Variants in THRB observed in about 807,000 individuals in gnomAD.
THRB encodes nuclear receptor subfamily 1 group A member 2.
THRB carries 12 observed loss-of-function variants against 47.8 expected under a neutral mutation model. The observed-to-expected ratio is 0.25, with a 90% CI of 0.16 to 0.41. The LOEUF (loss-of-function observed/expected upper bound fraction) is 0.41. Among genes scored for constraint, THRB ranks in the 10% least tolerant of loss-of-function variants. THRB has a pLI of 1.00. For synonymous variants in THRB, 218 were observed against 212.2 expected (o/e 1.03, Z -0.24); for missense variants, 348 against 589.2 (o/e 0.59, Z 4.24).
chr3:24,254,368 C>T (rs192590048), intron 3 of THRB, among the ~76,000 whole-genome samples: 1 of 148,594 alleles, frequency 6.7e-6, no homozygotes, highest in East Asian at 2.0e-4. Flanking sequence ...CCAGGCTGGG[C>T]AACAGAGGGA....
At chr3:24,438,407 G>C (rs994195453) in intron 1 of THRB, among the ~76,000 whole-genome samples, 1 of 151,994 alleles carries the variant, frequency 6.6e-6, no homozygotes, top group Non-Finnish European at 1.5e-5. Context: ...TTTCTAACCT[G>C]AAAAGCCCCT....
At chr3:24,314,682 T>A (rs1329819495) in intron 2 of THRB, among the ~76,000 whole-genome samples, 1 of 152,174 alleles carries the variant, frequency 6.6e-6, no homozygotes, top group African/African-American at 2.4e-5. Flanking sequence ...TCTTTTCTTC[T>A]CCAGATCGCA....
At chr3:24,378,675 G>T (rs1353540376) in intron 1 of THRB, among the ~76,000 whole-genome samples, 1 of 152,080 alleles carries the variant, frequency 6.6e-6, no homozygotes, top group Non-Finnish European at 1.5e-5. Context: ...ACACATGGGA[G>T]ATGCCACAGA....
intron 1 of THRB, chr3:24,430,008 C>T (rs965787227): frequency 2.0e-5 from 3 of 151,938 alleles, no homozygotes; most frequent in Non-Finnish European, 4.4e-5. Context: ...AGTAACAGAA[C>T]ATGTTTGTCC....
intron 1 of THRB, among the ~76,000 whole-genome samples, chr3:24,338,760 A>C (rs1416626252): frequency 1.3e-5 from 2 of 152,222 alleles, no homozygotes; most frequent in Non-Finnish European, 1.5e-5. Flanking sequence ...TCAGTATGTT[A>C]AAAGGAAAAA....
chr3:24,214,023 T>C (rs1316471822), intron 4 of THRB, among the ~76,000 whole-genome samples: 1 of 152,240 alleles, frequency 6.6e-6, no homozygotes, highest in African/African-American at 2.4e-5. Context: ...ATGCACATTC[T>C]GTTATTTCTT....
At chr3:24,442,992 C>A (rs2071698823) in intron 1 of THRB, among the ~76,000 whole-genome samples, 1 of 151,832 alleles carries the variant, frequency 6.6e-6, no homozygotes, top group Admixed American at 6.6e-5. Flanking sequence ...ACCATCCTGG[C>A]CAACAATGGT....
At chr3:24,364,314 C>T (rs1264088603) in intron 1 of THRB, among the ~76,000 whole-genome samples, 1 of 152,106 alleles carries the variant, frequency 6.6e-6, no homozygotes, top group Non-Finnish European at 1.5e-5. Flanking sequence ...GGAATGATAA[C>T]TTGATTATGC....
intron 3 of THRB, among the ~76,000 whole-genome samples, chr3:24,287,094 C>G (rs2055384167): frequency 6.6e-6 from 1 of 152,208 alleles, no homozygotes; most frequent in Admixed American, 6.5e-5. Flanking sequence ...TGCAGAGTTT[C>G]AGAATATCTA....
chr3:24,278,678 T>C (rs2054195919), intron 3 of THRB, among the ~76,000 whole-genome samples: 2 of 152,216 alleles, frequency 1.3e-5, no homozygotes, highest in African/African-American at 4.8e-5. Flanking sequence ...ATTATCTTTC[T>C]ACTTCTCTGT....
At chr3:24,125,936 G>A (rs1024905072) in intron 10 of THRB, among the ~76,000 whole-genome samples, 6 of 152,062 alleles carry the variant, frequency 3.9e-5, no homozygotes, top group East Asian at 3.9e-4. Flanking sequence ...GTAGGAGGCC[G>A]GTCTGGAGTC....
At chr3:24,281,438 T>C (rs1015575442) in intron 3 of THRB, among the ~76,000 whole-genome samples, 10 of 151,488 alleles carry the variant, frequency 6.6e-5, no homozygotes, top group South Asian at 4.2e-4. Context: ...CTGAAGGAAG[T>C]GCTAAACATG....
intron 1 of THRB, among the ~76,000 whole-genome samples, chr3:24,417,045 T>C (rs183760216): frequency 1.1e-4 from 17 of 152,012 alleles, no homozygotes; most frequent in Admixed American, 7.2e-4. Flanking sequence ...TTTAAATATA[T>C]ATTTCATTTA....
chr3:24,269,364 C>T (rs138014481), intron 3 of THRB, among the ~76,000 whole-genome samples: 1,636 of 132,382 alleles, frequency 0.012, 25 homozygotes, highest in Non-Finnish European at 0.016. Context: ...GCAGCGACAC[C>T]ATCATAGCTC....
chr3:24,158,366 TTCTTTA>T (rs561583309), intron 5 of THRB, among the ~76,000 whole-genome samples: 39 of 151,036 alleles, frequency 2.6e-4, no homozygotes, highest in Admixed American at 3.3e-4. Flanking sequence ...TTTCACATAA[TTCTTTA>T]TCTTTATCAA....
chr3:24,321,962 C>CT (rs201886762), intron 2 of THRB, among the ~76,000 whole-genome samples: 11 of 149,594 alleles, frequency 7.4e-5, no homozygotes, highest in African/African-American at 2.4e-4. Flanking sequence ...TAAATTTCAC[C>CT]TTTTTTTTTA....
At chr3:24,422,377 A>G (rs183083229) in intron 1 of THRB, among the ~76,000 whole-genome samples, 1 of 151,946 alleles carries the variant, frequency 6.6e-6, no homozygotes, top group Non-Finnish European at 1.5e-5. Flanking sequence ...GAGAGTTGTC[A>G]TTTTCCAACC....
At position 24,122,516 on chromosome 3, in the gene THRB, G is replaced by A. The variant is rs543041615; in HGVS notation, c.*368C>T. On this transcript the variant is annotated 3_prime_UTR_variant, in exon 11 of 11. Coordinates refer to ENST00000646209, the MANE Select transcript of THRB (RefSeq NM_001354712.2). ...ACATCAGGATTGGGTGGAGGTGGTCGTATTATCTTGGTTTTAAGGCTTCTT... is the reference window on the plus strand; with the variant it reads ...ACATCAGGATTGGGTGGAGGTGGTCATATTATCTTGGTTTTAAGGCTTCTT... 1.0e-4 allele frequency: 34 copies of A among 335,490 alleles called. No homozygotes were observed. Among genetic ancestry groups the A allele is most frequent in the African/African-American group, 1.9e-4 (9 of 46,936 alleles). 20.8% of individuals were successfully genotyped at this position (335,490 alleles called of 1,614,324 possible). A position where few individuals can be genotyped will look rare whatever the true frequency, so the allele number is the denominator to read the frequency against.
chr3:24,276,509 T>A (rs1460381047), intron 3 of THRB, among the ~76,000 whole-genome samples: 1 of 152,216 alleles, frequency 6.6e-6, no homozygotes, highest in Non-Finnish European at 1.5e-5. Context: ...CATTTTGTTA[T>A]CTGCAAAAGG....
Sources: allele counts gnomAD v4.1 joint callset (sites outside exome capture counted in the v4.1 genomes callset), GRCh38; gene constraint gnomAD v4.1.1; transcripts MANE v1.5; gene names NCBI Gene and HGNC (gene_info 2026-07-23, HGNC 2026-07-21).